CDH2: variants seen among roughly 807,000 people sequenced by gnomAD.
CDH2 encodes cadherin 2.
In CDH2, 17 loss-of-function variants were observed where a neutral mutation model predicts 92.0. The observed-to-expected ratio is 0.18, with a 90% CI of 0.13 to 0.28. The LOEUF is 0.28. CDH2 is among the 10% of genes least tolerant of loss of function. The pLI, the probability that CDH2 is intolerant of heterozygous loss-of-function variation, is 1.00. For synonymous variants in CDH2, 419 were observed against 415.9 expected, an observed-to-expected ratio of 1.01 and a Z score of -0.09; for missense variants, 862 against 1,133.1, an observed-to-expected ratio of 0.76 and a Z score of 3.44.
At chr18:27,956,793 T>C (rs2011257617) in intron 15 of CDH2, among the ~76,000 whole-genome samples, 1 of 152,142 alleles carries the variant, frequency 6.6e-6, no homozygotes, top group Non-Finnish European at 1.5e-5. Flanking sequence ...AAAACAATTA[T>C]TTAAGAAAAT....
chr18:28,017,834 A>G (rs917009117), intron 2 of CDH2, among the ~76,000 whole-genome samples: 2 of 152,138 alleles, frequency 1.3e-5, no homozygotes, highest in Non-Finnish European at 2.9e-5. Flanking sequence ...AGTTGAAAGC[A>G]TTCCCCCTGA....
downstream of CDH2, among the ~76,000 whole-genome samples, chr18:27,949,350 C>T (rs1909354073): frequency 6.6e-6 from 1 of 151,948 alleles, no homozygotes; most frequent in South Asian, 2.1e-4. Context: ...AATTCCATCT[C>T]CAAGACTCTA....
At chr18:27,955,729 G>A (rs1362153354) in intron 15 of CDH2, among the ~76,000 whole-genome samples, 1 of 126,080 alleles carries the variant, frequency 7.9e-6, no homozygotes, top group African/African-American at 3.0e-5. Context: ...GATCATCCTG[G>A]TAGTTTACAA....
At chr18:28,064,544 A>T (rs747482319) in intron 2 of CDH2, among the ~76,000 whole-genome samples, 4 of 152,144 alleles carry the variant, frequency 2.6e-5, no homozygotes, top group Admixed American at 2.0e-4. Flanking sequence ...TGGCAAAATA[A>T]GAAAAAATAA....
intron 2 of CDH2, among the ~76,000 whole-genome samples, chr18:28,087,107 T>C (rs1248550595): frequency 1.3e-5 from 2 of 152,182 alleles, no homozygotes; most frequent in African/African-American, 2.4e-5. Context: ...CTGCATCCTT[T>C]TCATGTCTCT....
intron 14 of CDH2, among the ~76,000 whole-genome samples, chr18:27,964,814 T>C (rs1223718224): frequency 6.6e-6 from 1 of 152,188 alleles, no homozygotes. Flanking sequence ...TGACTCCAAG[T>C]GTATTAGATT....
chr18:27,988,623 G>A lies in CDH2; in HGVS notation c.1642C>T (p.Pro548Ser), dbSNP rs1320677700. ...ATTGTAGTTATTTGTCCATTCACAG[G>A]ATCTATTTTTAGCCAATTGGCAGGA... The part of the protein sequence containing the change: ...SDPANWLKID[P>S]VNGQITTIAV... Residue 548 changes from proline to serine, a missense_variant, in exon 11 of 16, where the codon CCT (proline) becomes TCT (serine). Pro to Ser is a moderately conservative substitution (Grantham distance 74). Around this residue, in one of 5 missense-constraint regions of CDH2, gnomAD observed 564 missense variants for 722.2 expected, o/e 0.78. Transcript: ENST00000269141. 1 of 1,608,058 alleles carries A rather than the reference G, an allele frequency of 6.2e-7. No individual in the cohort carries two copies. The highest frequency in any genetic ancestry group is 8.5e-7 in the Non-Finnish European group (1 of 1,174,850).
intron 14 of CDH2, among the ~76,000 whole-genome samples, chr18:27,978,592 A>T (rs2011929539): frequency 7.2e-6 from 1 of 139,074 alleles, no homozygotes; most frequent in Non-Finnish European, 1.6e-5. Context: ...TATAGCTTCA[A>T]GAAAATAATA....
intron 3 of CDH2, among the ~76,000 whole-genome samples, chr18:28,012,415 A>G (rs2013126991): frequency 1.3e-5 from 2 of 152,232 alleles, no homozygotes; most frequent in African/African-American, 4.8e-5. Flanking sequence ...AGTTTAATAC[A>G]TACTGCTAAG....
intron 2 of CDH2, among the ~76,000 whole-genome samples, chr18:28,098,886 G>A (rs1246215128): frequency 1.3e-5 from 2 of 151,980 alleles, no homozygotes; most frequent in African/African-American, 2.4e-5. Flanking sequence ...CATTAATTGG[G>A]GGTTACAAAT....
chr18:28,077,576 G>A (rs532093337), intron 2 of CDH2, among the ~76,000 whole-genome samples: 10 of 152,038 alleles, frequency 6.6e-5, no homozygotes, highest in East Asian at 1.9e-4. Context: ...TGCAAAACAC[G>A]TATCCTATTC....
intron 2 of CDH2, among the ~76,000 whole-genome samples, chr18:28,097,814 T>C (rs1380657952): frequency 6.6e-6 from 1 of 152,204 alleles, no homozygotes; most frequent in Non-Finnish European, 1.5e-5. Flanking sequence ...AAATGTACTA[T>C]AAATGGCCAT....
In CDH2 at chr18:28,107,654, A is replaced by G. The variant is rs1404137427; in HGVS notation, c.172+40019T>C. On this transcript the variant is annotated intron_variant, in intron 2 of 15. Coordinates refer to ENST00000269141, the MANE Select transcript of CDH2 (RefSeq NM_001792.5). ...ATATTAGAGCTCTTCTCAACTGTAT[A>G]AAGAAGCAGTCAATAAAACACAGAG... 2.0e-5 allele frequency among the ~76,000 whole-genome samples: 3 copies of G among 152,180 alleles called. No individual in the cohort carries two copies. The East Asian group carries it at 5.8e-4, about 29-fold the overall frequency.
chr18:28,118,154 G>A (rs1160717571), intron 2 of CDH2, among the ~76,000 whole-genome samples: 2 of 150,728 alleles, frequency 1.3e-5, no homozygotes, highest in African/African-American at 2.4e-5. Flanking sequence ...CAATAAAACC[G>A]AATCCTTCAA....
chr18:28,151,223 T>A (rs1337734073), intron 1 of CDH2, among the ~76,000 whole-genome samples: 1 of 152,240 alleles, frequency 6.6e-6, no homozygotes, highest in African/African-American at 2.4e-5. Context: ...AATGCCTGAA[T>A]GTTCTACAAC....
intron 2 of CDH2, among the ~76,000 whole-genome samples, chr18:28,093,680 C>A (rs2015076098): frequency 6.6e-6 from 1 of 152,136 alleles, no homozygotes; most frequent in South Asian, 2.1e-4. Context: ...TCACTGCCAG[C>A]CAGTTAAATG....
intron 1 of CDH2, among the ~76,000 whole-genome samples, chr18:28,155,638 G>A (rs763215728): frequency 4.6e-5 from 7 of 152,190 alleles, no homozygotes; most frequent in Non-Finnish European, 1.0e-4. Flanking sequence ...ATGCGGTTAT[G>A]TCTTCCAAAC....
intron 6 of CDH2, among the ~76,000 whole-genome samples, chr18:28,004,057 CT>C (rs1420732165): frequency 6.6e-6 from 1 of 152,188 alleles, no homozygotes; most frequent in Non-Finnish European, 1.5e-5. Context: ...ACTAACTGTG[CT>C]TTGGTAATAT....
At chr18:28,053,760 T>C (rs1383872876) in intron 2 of CDH2, among the ~76,000 whole-genome samples, 1 of 152,236 alleles carries the variant, frequency 6.6e-6, no homozygotes, top group Non-Finnish European at 1.5e-5. Context: ...TTTAAGACTA[T>C]TGGTCTTTTG....
Sources: gnomAD v4.1 joint callset for allele counts (sites outside exome capture counted in the v4.1 genomes callset) on GRCh38, gnomAD v4.1.1 for gene constraint, gnomAD v4.1.1 regional missense constraint, MANE v1.5 for transcripts, NCBI Gene and HGNC (gene_info 2026-07-23, HGNC 2026-07-21) for gene names.